The following RIOK1 variants were observed in gnomAD, a reference collection of about 807,000 sequenced individuals.
RIOK1 encodes the protein RIO kinase 1.
RIOK1 carries 66 observed loss-of-function variants against 73.5 expected under a neutral mutation model. That is an observed-to-expected ratio of 0.90 (90% CI 0.74 to 1.10). The LOEUF (loss-of-function observed/expected upper bound fraction) is 1.10. Ranked by LOEUF, RIOK1 falls within the 50% of genes least tolerant of loss-of-function variation. The pLI is 0.00. For synonymous variants in RIOK1, 224 were observed against 226.8 expected (o/e 0.99, Z 0.11); for missense variants, 658 against 699.8 (o/e 0.94, Z 0.67).
intron 12 of RIOK1, among the ~76,000 whole-genome samples, chr6:7,410,096 G>A (rs1761851190): frequency 6.6e-6 from 1 of 152,122 alleles, no homozygotes; most frequent in South Asian, 2.1e-4. Flanking sequence ...AAATGCAAAA[G>A]CTAATTATTT....
intron 12 of RIOK1, 77 bp downstream of exon 12, chr6:7,405,432 A>C: frequency 1.2e-6 from 1 of 865,596 alleles, no homozygotes; most frequent in Non-Finnish European, 1.8e-6. Flanking sequence ...GCTTGGGACC[A>C]GAAGTGTTTT....
At chr6:7,417,301 A>G in intron 16 of RIOK1, 30 bp from the exon 17 acceptor site, 1 of 1,388,976 alleles carries the variant, frequency 7.2e-7, no homozygotes, top group African/African-American at 1.5e-5. Context: ...CAAATGAATG[A>G]AAGTTGGCTT....
chr6:7,413,888 A>G (rs1355392821), intron 15 of RIOK1, among the ~76,000 whole-genome samples: 1 of 152,198 alleles, frequency 6.6e-6, no homozygotes, highest in East Asian at 1.9e-4. Flanking sequence ...GAAGTTATCC[A>G]TATAAATCTT....
intron 15 of RIOK1, among the ~76,000 whole-genome samples, 172 bp downstream of exon 15, chr6:7,413,114 T>C (rs1281542396): frequency 6.6e-6 from 1 of 152,212 alleles, no homozygotes; most frequent in Non-Finnish European, 1.5e-5. Flanking sequence ...AGAAATGCCA[T>C]TTTTGTGTTC....
chr6:7,407,743 C>T (rs958428706), intron 12 of RIOK1, among the ~76,000 whole-genome samples: 1 of 152,210 alleles, frequency 6.6e-6, no homozygotes, highest in Admixed American at 6.5e-5. Context: ...CTCCTTCTGT[C>T]TCGGCCTCTC....
chr6:7,391,249 G>A (rs566991511), intron 1 of RIOK1, among the ~76,000 whole-genome samples: 19 of 152,288 alleles, frequency 1.2e-4, no homozygotes, highest in African/African-American at 4.6e-4. Flanking sequence ...AGGTGGTAGG[G>A]AGGCATTGGT....
intron 3 of RIOK1, 32 bp from the exon 4 acceptor site, chr6:7,396,671 A>G: frequency 7.3e-7 from 1 of 1,367,268 alleles, no homozygotes. Flanking sequence ...CGTCTTACAT[A>G]TTGTTTACAT....
At chr6:7,397,234 A>G (rs1464247989) in intron 4 of RIOK1, among the ~76,000 whole-genome samples, 2 of 152,342 alleles carry the variant, frequency 1.3e-5, no homozygotes, top group South Asian at 4.1e-4. Context: ...ACTGCACTCC[A>G]GCCTGGGCCA....
Position 7,389,937 on chromosome 6 carries a change from G to A in RIOK1, c.-66G>A. ...ACGCCAAGGCCTTTGGATCGGCCGT[G>A]GGTACATCCGTCTGAGCCGTTCCTT... On this transcript the variant is annotated 5_prime_UTR_variant, in exon 1 of 17. Coordinates refer to ENST00000379834, the MANE Select transcript of RIOK1 (RefSeq NM_031480.3). 3.8e-6 allele frequency: 5 copies of A among 1,324,250 alleles called. No individual in the cohort carries two copies. The highest frequency in any genetic ancestry group is 2.6e-5 in the South Asian group (2 of 77,830). The allele number at this position is 1,324,250 out of a possible 1,614,324, so 82.0% of individuals were successfully genotyped here. A position where few individuals can be genotyped will look rare whatever the true frequency, so the allele number is the denominator to read the frequency against.
At chr6:7,417,058 A>C (rs1762022950) in intron 16 of RIOK1, among the ~76,000 whole-genome samples, 1 of 152,102 alleles carries the variant, frequency 6.6e-6, no homozygotes, top group African/African-American at 2.4e-5. Context: ...AGCCTGTGCA[A>C]TCTGGCGAAG....
chr6:7,401,200 A>G (rs1429299050), intron 6 of RIOK1, 150 bp downstream of exon 6: 8 of 637,848 alleles, frequency 1.3e-5, no homozygotes, highest in South Asian at 3.6e-5. Flanking sequence ...AGTTGTACAT[A>G]TAACTACGCC....
At chr6:7,411,246 C>T in intron 13 of RIOK1, 86 bp from the exon 14 acceptor site, 2 of 1,406,078 alleles carry the variant, frequency 1.4e-6, no homozygotes, top group Non-Finnish European at 2.0e-6. Context: ...TATATAGATT[C>T]CCCTGTAACC....
At chr6:7,414,508 C>A in intron 16 of RIOK1, 118 bp downstream of exon 16, 1 of 950,168 alleles carries the variant, frequency 1.1e-6, no homozygotes, top group Non-Finnish European at 1.6e-6. Context: ...ATAAGTACCT[C>A]TAATTACAGT....
intron 1 of RIOK1, among the ~76,000 whole-genome samples, chr6:7,392,516 CTTT>C (rs762450615): frequency 7.2e-6 from 1 of 139,850 alleles, no homozygotes; most frequent in Non-Finnish European, 1.6e-5. Flanking sequence ...TGTCAGAAAG[CTTT>C]TTTTTTTTTT....
At position 7,417,496 on chromosome 6, in the gene RIOK1, C is replaced by T. The variant is rs1184483719; in HGVS notation, c.*55C>T. ...TCCTCAGTTCCTTTTCTCGCCTGAA[C>T]TCTTAAGCTGCATCTGGAAGATGGC... On this transcript the variant is annotated 3_prime_UTR_variant, in exon 17 of 17. Transcript: ENST00000379834. The T allele has an allele frequency of 9.1e-6, 10 of 1,100,894 alleles. No homozygotes were observed. The highest frequency in any genetic ancestry group is 1.3e-5 in the Non-Finnish European group (10 of 769,674). The allele number at this position is 1,100,894 out of a possible 1,614,324, so 68.2% of individuals were successfully genotyped here.
intron 12 of RIOK1, among the ~76,000 whole-genome samples, chr6:7,409,419 A>G (rs900308901): frequency 1.3e-5 from 2 of 151,826 alleles, no homozygotes; most frequent in African/African-American, 4.8e-5. Context: ...ATGCCTGGCT[A>G]ATTTTTGTGT....
chr6:7,410,205 C>G (rs934176566), intron 12 of RIOK1, among the ~76,000 whole-genome samples, 181 bp from the exon 13 acceptor site: 1 of 152,148 alleles, frequency 6.6e-6, no homozygotes, highest in African/African-American at 2.4e-5. Context: ...TTGATGGCAG[C>G]CTTTTTGGTG....
At chr6:7,415,241 T>A (rs548122901) in intron 16 of RIOK1, among the ~76,000 whole-genome samples, 1 of 152,050 alleles carries the variant, frequency 6.6e-6, no homozygotes, top group East Asian at 1.9e-4. Flanking sequence ...GGCAATAGAG[T>A]GATACCCCGT....
At position 7,404,934 on chromosome 6, in the gene RIOK1, G is replaced by A. The variant is rs761165651; in HGVS notation, c.1009G>A (p.Val337Met). The change falls in exon 11 of 17, where the codon GTG (valine) becomes ATG (methionine). Residue 337 changes from valine (V) to methionine (M), a missense_variant. Physicochemically the swap from Val to Met is conservative, Grantham distance 21 (BLOSUM62 1). Transcript: ENST00000379834. ...GGCCCATAGGTACCACGGTGGAGGCGTGTATATCATTGACGTGTCTCAGTC... is the reference window on the plus strand; with the variant it reads ...GGCCCATAGGTACCACGGTGGAGGCATGTATATCATTGACGTGTCTCAGTC... ...EFNMLYHGGG[V>M]YIIDVSQSVE... The A allele has an allele frequency of 2.7e-5, 44 of 1,613,590 alleles. 1 individual carries two copies. The South Asian group carries it at 3.8e-4, about 14-fold the overall frequency.
Sources: gnomAD v4.1 joint callset for allele counts (sites outside exome capture counted in the v4.1 genomes callset) on GRCh38, gnomAD v4.1.1 for gene constraint, MANE v1.5 for transcripts, NCBI Gene and HGNC (gene_info 2026-07-23, HGNC 2026-07-21) for gene names.